PRELID2: variants seen among roughly 807,000 people sequenced by gnomAD.
The protein encoded by PRELID2 is PRELI domain-containing protein 2.
Under a neutral mutation model 28.4 loss-of-function variants are expected in PRELID2, and 25 were observed. That is an observed-to-expected ratio of 0.88 (90% CI 0.64 to 1.23). The LOEUF (loss-of-function observed/expected upper bound fraction) is 1.23, where lower values mean the gene tolerates loss of function less well. Among genes scored for constraint, PRELID2 ranks in the 50% most tolerant of loss-of-function variants. The pLI is 0.00. For missense variants in PRELID2, 201 were observed against 214.4 expected (o/e 0.94, Z 0.39); for synonymous variants, 76 against 71.6 (o/e 1.06, Z -0.31).
the PRELID2 span, among the ~76,000 whole-genome samples, chr5:145,378,656 A>G: frequency 1.3e-5 from 2 of 152,102 alleles, 1 homozygote; most frequent in African/African-American, 4.8e-5. Context: ...ATTATTTTCT[A>G]TACTGGCTAT....
chr5:145,304,859 T>C, the PRELID2 span, among the ~76,000 whole-genome samples: 1 of 152,090 alleles, frequency 6.6e-6, no homozygotes, highest in African/African-American at 2.4e-5. Context: ...TTTCAATGCA[T>C]TTAAGTTATA....
the PRELID2 span, among the ~76,000 whole-genome samples, chr5:145,293,679 GATA>G: frequency 3.3e-5 from 5 of 152,156 alleles, no homozygotes; most frequent in African/African-American, 1.2e-4. Flanking sequence ...TTATTAATAT[GATA>G]AGTAAATGGC....
the PRELID2 span, among the ~76,000 whole-genome samples, chr5:145,456,619 T>C: frequency 1.2e-4 from 18 of 152,186 alleles, no homozygotes; most frequent in African/African-American, 4.1e-4. Context: ...CTTTTTCTAC[T>C]TGTTTATCAT....
chr5:145,333,165 C>A, the PRELID2 span, among the ~76,000 whole-genome samples: 1 of 152,178 alleles, frequency 6.6e-6, no homozygotes, highest in Admixed American at 6.5e-5. Context: ...GGGGCACCTG[C>A]CAGATGCCAG....
intron 1 of PRELID2, among the ~76,000 whole-genome samples, chr5:145,648,439 C>A (rs929591382): frequency 3.3e-5 from 5 of 151,460 alleles, no homozygotes; most frequent in African/African-American, 1.2e-4. Context: ...AATAACAAAA[C>A]TTTATTTTCA....
At chr5:145,505,379 G>T (rs370079425) in intron 1 of PRELID2, among the ~76,000 whole-genome samples, 32 of 152,242 alleles carry the variant, frequency 2.1e-4, no homozygotes, top group African/African-American at 7.5e-4. Flanking sequence ...GAGTTGGACT[G>T]TAGCTCTCAT....
Position 145,550,925 on chromosome 5 carries a change from A to G in PRELID2, n.71-77610T>C, listed in dbSNP as rs900362584. Among the ~76,000 whole-genome samples the G allele has an allele frequency of 3.3e-5, 5 of 152,200 alleles. No individual in the cohort carries two copies. The East Asian group carries it at 7.7e-4, about 23-fold the overall frequency. Reference sequence around the variant, plus strand: ...CTAAGTTGTATAGATAGAAAAGTTTATATCAGTAATTTGAATGGTAAATAC... The same window carrying G: ...CTAAGTTGTATAGATAGAAAAGTTTGTATCAGTAATTTGAATGGTAAATAC... On this transcript the variant is annotated intron_variant and non_coding_transcript_variant, in intron 1 of 2. Transcript: ENST00000510259.
At chr5:145,324,906 A>C in the PRELID2 span, among the ~76,000 whole-genome samples, 3 of 152,144 alleles carry the variant, frequency 2.0e-5, no homozygotes, top group African/African-American at 7.2e-5. Flanking sequence ...AGGGAAAGCA[A>C]AGTATTTGTA....
At chr5:145,247,674 C>T in the PRELID2 span, among the ~76,000 whole-genome samples, 11 of 152,068 alleles carry the variant, frequency 7.2e-5, no homozygotes, top group Non-Finnish European at 1.2e-4. Flanking sequence ...CTGGGCAAAG[C>T]AAGAAGTATA....
At chr5:145,553,184 C>T (rs1401159171) in intron 1 of PRELID2, among the ~76,000 whole-genome samples, 2 of 117,782 alleles carry the variant, frequency 1.7e-5, no homozygotes, top group African/African-American at 7.9e-5. Flanking sequence ...GCTAGAGGAC[C>T]CCCCCCCCCA....
At chr5:145,230,091 T>A in the PRELID2 span, 1 of 637,068 alleles carries the variant, frequency 1.6e-6, no homozygotes, top group South Asian at 1.4e-5. Flanking sequence ...CTCCTCAATT[T>A]GCAGATCCCC....
At chr5:145,452,267 A>G in the PRELID2 span, among the ~76,000 whole-genome samples, 6 of 152,174 alleles carry the variant, frequency 3.9e-5, no homozygotes, top group African/African-American at 1.4e-4. Flanking sequence ...CATGCTCATT[A>G]GCATAGTTTT....
At chr5:145,825,493 G>T (rs1441836534) in intron 1 of PRELID2, among the ~76,000 whole-genome samples, 3 of 152,086 alleles carry the variant, frequency 2.0e-5, no homozygotes, top group Non-Finnish European at 2.9e-5. Flanking sequence ...GTTTACTACA[G>T]TTCTAGTTTG....
chr5:145,481,623 C>CAAAAAAAAAAAAAAAAAAAAAAAAAAGA (rs1752160658), intron 1 of PRELID2, among the ~76,000 whole-genome samples: 3 of 41,862 alleles, frequency 7.2e-5, no homozygotes, highest in African/African-American at 1.2e-4. Flanking sequence ...GCAAGGAAAT[C>CAAAAAAAAAAAAAAAAAAAAAAAAAAGA]AAAAAAAAAA....
chr5:145,487,823 A>G (rs1289078669), intron 1 of PRELID2, among the ~76,000 whole-genome samples: 1 of 152,010 alleles, frequency 6.6e-6, no homozygotes. Context: ...GCAGACATAA[A>G]AATCAAGAAA....
At chr5:145,307,722 C>G in the PRELID2 span, among the ~76,000 whole-genome samples, 1 of 152,044 alleles carries the variant, frequency 6.6e-6, no homozygotes, top group African/African-American at 2.4e-5. Context: ...AGAGCTATGC[C>G]CAACAGCAGC....
chr5:145,509,890 T>C (rs1223583246), intron 1 of PRELID2, among the ~76,000 whole-genome samples: 1 of 152,134 alleles, frequency 6.6e-6, no homozygotes, highest in African/African-American at 2.4e-5. Flanking sequence ...ACCCTTAGAG[T>C]GGCTGAGATC....
the PRELID2 span, among the ~76,000 whole-genome samples, chr5:145,267,893 T>A: frequency 8.5e-5 from 13 of 152,306 alleles, no homozygotes; most frequent in South Asian, 2.7e-3. Context: ...ATTTACATTT[T>A]CTGATGATCA....
intron 1 of PRELID2, among the ~76,000 whole-genome samples, chr5:145,484,476 T>C (rs1287460506): frequency 6.6e-6 from 1 of 150,882 alleles, no homozygotes; most frequent in African/African-American, 2.5e-5. Flanking sequence ...TATTGGTTCA[T>C]TGATTCCTTA....
Sources: allele counts gnomAD v4.1 joint callset (sites outside exome capture counted in the v4.1 genomes callset), GRCh38; gene constraint gnomAD v4.1.1; transcripts MANE v1.5; gene names NCBI Gene and HGNC (gene_info 2026-07-23, HGNC 2026-07-21).